NRG3: variants seen among roughly 807,000 people sequenced by gnomAD.
The protein encoded by NRG3 is neuregulin 3, also known as pro-neuregulin-3, membrane-bound isoform.
In NRG3, 31 loss-of-function variants were observed where a neutral mutation model predicts 66.9. The ratio of observed to expected loss-of-function variants is 0.46; its 90% CI spans 0.35 to 0.63. NRG3 has a LOEUF of 0.63. Among genes scored for constraint, NRG3 ranks in the 20% least tolerant of loss-of-function variants. NRG3 has a pLI of 0.00. For missense variants in NRG3, 910 were observed against 878.9 expected, an observed-to-expected ratio of 1.04 and a Z score of -0.45; for synonymous variants, 393 against 359.4, an observed-to-expected ratio of 1.09 and a Z score of -1.06.
At chr10:82,150,613 G>A (rs761119876) in intron 1 of NRG3, among the ~76,000 whole-genome samples, 28 of 137,492 alleles carry the variant, frequency 2.0e-4, no homozygotes, top group Non-Finnish European at 3.6e-4. Flanking sequence ...AACAAACAAA[G>A]CCCAGGGGCT....
intron 6 of NRG3, among the ~76,000 whole-genome samples, chr10:82,966,079 C>A (rs989192367): frequency 1.3e-5 from 2 of 152,110 alleles, no homozygotes; most frequent in Non-Finnish European, 2.9e-5. Flanking sequence ...TATTCAGTTT[C>A]CCCTATTATT....
At chr10:82,908,384 G>A (rs554227774) in intron 4 of NRG3, among the ~76,000 whole-genome samples, 6 of 152,132 alleles carry the variant, frequency 3.9e-5, no homozygotes, top group South Asian at 2.1e-4. Flanking sequence ...AATCCACCTC[G>A]GTACCCTGCA....
chr10:82,173,270 GT>G (rs5786535), intron 1 of NRG3, among the ~76,000 whole-genome samples: 12,789 of 147,840 alleles, frequency 0.087, 816 homozygotes, highest in East Asian at 0.22. Context: ...GATACATTAA[GT>G]TTTTTTTTTT....
chr10:82,595,275 A>G (rs959237350), intron 2 of NRG3, among the ~76,000 whole-genome samples: 11 of 152,226 alleles, frequency 7.2e-5, no homozygotes. Context: ...ATGCTTTCAG[A>G]GAATGACTTA....
intron 2 of NRG3, among the ~76,000 whole-genome samples, chr10:82,613,843 C>G (rs1033919766): frequency 9.9e-5 from 11 of 111,252 alleles, no homozygotes; most frequent in East Asian, 6.7e-4. Flanking sequence ...CCCCCTCCCC[C>G]CACCCCACAA....
At chr10:82,675,105 C>T (rs906835558) in intron 2 of NRG3, among the ~76,000 whole-genome samples, 7 of 152,014 alleles carry the variant, frequency 4.6e-5, no homozygotes, top group Non-Finnish European at 4.4e-5. Flanking sequence ...ATTACAGGCA[C>T]CCGCCATCAT....
At chr10:82,942,886 C>G (rs960843548) in intron 4 of NRG3, among the ~76,000 whole-genome samples, 4 of 152,130 alleles carry the variant, frequency 2.6e-5, no homozygotes, top group African/African-American at 9.6e-5. Context: ...TGTATTACAT[C>G]CCTCAAAATT....
At chr10:82,381,261 T>C (rs1359500676) in intron 2 of NRG3, among the ~76,000 whole-genome samples, 1 of 152,146 alleles carries the variant, frequency 6.6e-6, no homozygotes, top group Non-Finnish European at 1.5e-5. Flanking sequence ...GTGATGTTAA[T>C]GATGATAATG....
At chr10:82,953,706 T>A (rs1849745520) in intron 5 of NRG3, among the ~76,000 whole-genome samples, 1 of 151,908 alleles carries the variant, frequency 6.6e-6, no homozygotes, top group Non-Finnish European at 1.5e-5. Context: ...ACGCGGTGAC[T>A]CATGCCTGTA....
intron 1 of NRG3, chr10:81,877,595 A>C: frequency 1.2e-6 from 1 of 811,244 alleles, no homozygotes. Flanking sequence ...AATGTAGTGT[A>C]TTTGTAAGTA....
At chr10:82,260,441 A>G (rs183988369) in intron 1 of NRG3, among the ~76,000 whole-genome samples, 1 of 152,354 alleles carries the variant, frequency 6.6e-6, no homozygotes, top group Admixed American at 6.5e-5. Flanking sequence ...TATTCCTTCA[A>G]CTTTCCAGGA....
intron 1 of NRG3, among the ~76,000 whole-genome samples, chr10:82,325,021 T>C (rs1466464974): frequency 6.6e-6 from 1 of 152,230 alleles, no homozygotes; most frequent in Non-Finnish European, 1.5e-5. Flanking sequence ...CAGATTATAA[T>C]GGTGGATTTG....
intron 1 of NRG3, among the ~76,000 whole-genome samples, chr10:82,033,578 T>A (rs569561992): frequency 1.3e-5 from 2 of 152,282 alleles, no homozygotes; most frequent in African/African-American, 4.8e-5. Flanking sequence ...TTGCATAGTA[T>A]TTGTATAGTG....
intron 3 of NRG3, among the ~76,000 whole-genome samples, chr10:82,860,432 CTT>C (rs1192429703): frequency 1.3e-5 from 2 of 152,014 alleles, no homozygotes; most frequent in Admixed American, 6.6e-5. Flanking sequence ...GGTAAGTAAA[CTT>C]TGAGTATAAC....
chr10:82,763,275 T>C (rs945477934), intron 3 of NRG3, among the ~76,000 whole-genome samples: 1 of 152,192 alleles, frequency 6.6e-6, no homozygotes, highest in African/African-American at 2.4e-5. Context: ...TGAAAGCACA[T>C]TGATAGGCCA....
chr10:82,001,210 A>AAG (rs2061154353), intron 1 of NRG3, among the ~76,000 whole-genome samples: 1 of 150,716 alleles, frequency 6.6e-6, no homozygotes, highest in Admixed American at 6.6e-5. Flanking sequence ...AAAAAAAAAA[A>AAG]GCAAAGGAAA....
At chr10:82,319,187 A>G (rs1323779300) in intron 1 of NRG3, among the ~76,000 whole-genome samples, 2 of 152,234 alleles carry the variant, frequency 1.3e-5, no homozygotes, top group Non-Finnish European at 2.9e-5. Context: ...AGTGGTGCAC[A>G]CAGAGCTGGC....
intron 2 of NRG3, among the ~76,000 whole-genome samples, chr10:82,569,968 A>G (rs2045632754): frequency 6.6e-6 from 1 of 151,604 alleles, no homozygotes; most frequent in Non-Finnish European, 1.5e-5. Context: ...AAATGGCACA[A>G]CCACTTTCTT....
At chr10:82,198,493 A>T (rs953489434) in intron 1 of NRG3, among the ~76,000 whole-genome samples, 1 of 152,206 alleles carries the variant, frequency 6.6e-6, no homozygotes, top group Non-Finnish European at 1.5e-5. Context: ...TTTCCAGTTC[A>T]TTAAAATAAG....
Sources: allele counts gnomAD v4.1 joint callset (sites outside exome capture counted in the v4.1 genomes callset), GRCh38; gene constraint gnomAD v4.1.1; transcripts MANE v1.5; gene names NCBI Gene and HGNC (gene_info 2026-07-23, HGNC 2026-07-21).